Variants in PABPC4L observed in about 807,000 individuals in gnomAD.
PABPC4L encodes polyadenylate-binding protein 4-like.
For synonymous variants in PABPC4L, 169 were observed against 164.1 expected (o/e 1.03, Z -0.23); for missense variants, 452 against 451.4 (o/e 1.00, Z -0.01).
At chr4:134,048,960 A>T in the PABPC4L span, among the ~76,000 whole-genome samples, 1 of 152,088 alleles carries the variant, frequency 6.6e-6, no homozygotes, top group African/African-American at 2.4e-5. Context: ...AATAAGGAAA[A>T]ATTCTAGATT....
chr4:134,145,458 C>T, the PABPC4L span, among the ~76,000 whole-genome samples: 1 of 151,898 alleles, frequency 6.6e-6, no homozygotes, highest in Non-Finnish European at 1.5e-5. Context: ...TTCCCACACA[C>T]AGACAAATCT....
At chr4:134,061,535 G>A in the PABPC4L span, among the ~76,000 whole-genome samples, 3 of 151,878 alleles carry the variant, frequency 2.0e-5, no homozygotes, top group African/African-American at 7.2e-5. Flanking sequence ...AGAATAAAGA[G>A]GGGAAATGTC....
the PABPC4L span, among the ~76,000 whole-genome samples, chr4:133,956,963 T>C: frequency 6.6e-6 from 1 of 152,156 alleles, no homozygotes; most frequent in Admixed American, 6.5e-5. Context: ...ATGGGGATTA[T>C]AGGAACTACA....
At chr4:134,144,340 T>A in the PABPC4L span, among the ~76,000 whole-genome samples, 1 of 151,712 alleles carries the variant, frequency 6.6e-6, no homozygotes, top group South Asian at 2.1e-4. Flanking sequence ...ATACAATCTT[T>A]ACTTGGATTT....
At chr4:134,052,605 A>G in the PABPC4L span, among the ~76,000 whole-genome samples, 1 of 152,062 alleles carries the variant, frequency 6.6e-6, no homozygotes, top group African/African-American at 2.4e-5. Flanking sequence ...GAACATGAAA[A>G]CAGAGCAAAG....
the PABPC4L span, among the ~76,000 whole-genome samples, chr4:134,062,374 C>A: frequency 6.6e-6 from 1 of 151,950 alleles, no homozygotes; most frequent in Admixed American, 6.6e-5. Flanking sequence ...TCTAAACTGA[C>A]CTGCCAAAAG....
the PABPC4L span, among the ~76,000 whole-genome samples, chr4:133,997,599 C>G: frequency 1.3e-5 from 2 of 152,054 alleles, no homozygotes; most frequent in African/African-American, 2.4e-5. Flanking sequence ...AATTCCCACT[C>G]TAGAAGCCAT....
At chr4:133,966,448 C>T in the PABPC4L span, among the ~76,000 whole-genome samples, 1 of 152,276 alleles carries the variant, frequency 6.6e-6, no homozygotes, top group East Asian at 1.9e-4. Context: ...AGCAATCCCA[C>T]TACTGAGTAT....
chr4:133,998,296 T>C, the PABPC4L span, among the ~76,000 whole-genome samples: 1 of 151,992 alleles, frequency 6.6e-6, no homozygotes, highest in Non-Finnish European at 1.5e-5. Context: ...TTAATTGGCA[T>C]GAGCTGAAGT....
At chr4:134,127,755 C>A in the PABPC4L span, among the ~76,000 whole-genome samples, 1 of 152,004 alleles carries the variant, frequency 6.6e-6, no homozygotes, top group African/African-American at 2.4e-5. Context: ...TTTAATACCC[C>A]CAAAAGATCA....
chr4:134,181,696 T>C, the PABPC4L span, among the ~76,000 whole-genome samples: 51 of 151,736 alleles, frequency 3.4e-4, no homozygotes, highest in Middle Eastern at 3.4e-3. Flanking sequence ...AATCAATATA[T>C]AAAAATCAGT....
chr4:134,200,257 T>C lies in PABPC4L; in HGVS notation c.763A>G (p.Ile255Val). 2.6e-6 allele frequency: 4 copies of C among 1,556,614 alleles called. No homozygotes were observed. The highest frequency in any genetic ancestry group is 3.5e-6 in the Non-Finnish European group (4 of 1,149,464). Reference sequence around the variant, plus strand: ...CCTACAAAAATCAGCTGCCCATTTATGTCCCTTCCATTCATTTCTTCAACA... The same window carrying C: ...CCTACAAAAATCAGCTGCCCATTTACGTCCCTTCCATTCATTTCTTCAACA... Reference protein sequence around the residue: ...KAVEEMNGRDINGQLIFVGRA... With the variant: ...KAVEEMNGRDVNGQLIFVGRA... The change falls in exon 2 of 2, where the codon ATA (isoleucine) becomes GTA (valine). Residue 255 changes from isoleucine to valine, a missense_variant. By Grantham distance (29) the Ile-to-Val change is conservative. Coordinates refer to ENST00000421491, the MANE Select transcript of PABPC4L (RefSeq NM_001114734.2).
At chr4:134,118,230 A>G in the PABPC4L span, among the ~76,000 whole-genome samples, 1 of 151,820 alleles carries the variant, frequency 6.6e-6, no homozygotes, top group Non-Finnish European at 1.5e-5. Context: ...GCCAGACCTT[A>G]CAGAGTTCCT....
At chr4:134,034,612 T>A in the PABPC4L span, among the ~76,000 whole-genome samples, 1 of 151,976 alleles carries the variant, frequency 6.6e-6, no homozygotes, top group Admixed American at 6.6e-5. Context: ...GTTGATTCCA[T>A]CTCTCATGGA....
At chr4:133,984,596 A>T in the PABPC4L span, among the ~76,000 whole-genome samples, 1 of 151,996 alleles carries the variant, frequency 6.6e-6, no homozygotes, top group Non-Finnish European at 1.5e-5. Context: ...GATAATAAAG[A>T]ATCATTAAAG....
chr4:134,028,827 T>A, the PABPC4L span, among the ~76,000 whole-genome samples: 1 of 152,278 alleles, frequency 6.6e-6, no homozygotes, highest in South Asian at 2.1e-4. Flanking sequence ...TTAAAACAGC[T>A]TGTAAATTAC....
the PABPC4L span, among the ~76,000 whole-genome samples, chr4:134,078,882 G>C: frequency 3.4e-5 from 5 of 147,836 alleles, no homozygotes; most frequent in Non-Finnish European, 5.9e-5. Context: ...TGGTCAGGCT[G>C]ATCTCAAACT....
chr4:134,045,741 A>T, the PABPC4L span, among the ~76,000 whole-genome samples: 1 of 151,562 alleles, frequency 6.6e-6, no homozygotes, highest in Non-Finnish European at 1.5e-5. Flanking sequence ...CTTTTGAACC[A>T]CTCCCTTCAC....
the PABPC4L span, among the ~76,000 whole-genome samples, chr4:134,124,468 C>A: frequency 6.6e-6 from 1 of 152,052 alleles, no homozygotes; most frequent in Non-Finnish European, 1.5e-5. Context: ...TTTCATAAAA[C>A]CTCTAACCTT....
Sources: allele counts gnomAD v4.1 joint callset (sites outside exome capture counted in the v4.1 genomes callset), GRCh38; gene constraint gnomAD v4.1.1; transcripts MANE v1.5; gene names NCBI Gene and HGNC (gene_info 2026-07-23, HGNC 2026-07-21).